FAM76A: variants seen among roughly 807,000 people sequenced by gnomAD.
The protein encoded by FAM76A is family with sequence similarity 76 member A, also known as protein FAM76A.
Under a neutral mutation model 46.2 loss-of-function variants are expected in FAM76A, and 32 were observed. The observed-to-expected ratio is 0.69, with a 90% CI of 0.52 to 0.93. The LOEUF (loss-of-function observed/expected upper bound fraction) is 0.93, where lower values mean the gene tolerates loss of function less well. FAM76A is among the 40% of genes least tolerant of loss of function. The probability of loss-of-function intolerance (pLI) is 0.00; values close to 1 mark genes in which losing one functional copy is unlikely to be tolerated. For synonymous variants in FAM76A, 137 were observed against 127.0 expected, an observed-to-expected ratio of 1.08 and a Z score of -0.53; for missense variants, 274 against 361.5, an observed-to-expected ratio of 0.76 and a Z score of 1.96.
At position 27,728,198 on chromosome 1, in the gene FAM76A, T is replaced by G. The variant is rs115007686; in HGVS notation, c.146+662T>G. On this transcript the variant is annotated intron_variant, in intron 2 of 8. Coordinates refer to ENST00000373954, the MANE Select transcript of FAM76A (RefSeq NM_152660.3). ...CAAGAAGAAACCAATCCCACAACAG[T>G]AAAACATGAGCCTCATGTTTCAATA... Among the ~76,000 whole-genome samples the G allele has an allele frequency of 9.4e-3, 1,428 of 152,214 alleles. 33 individuals carry two copies. Among genetic ancestry groups the G allele is most frequent in the African/African-American group, 0.033 (1,360 of 41,520 alleles).
chr1:27,749,941 A>G (rs2088304936), intron 6 of FAM76A, among the ~76,000 whole-genome samples: 1 of 152,136 alleles, frequency 6.6e-6, no homozygotes, highest in African/African-American at 2.4e-5. Context: ...TCCCCTCCTC[A>G]GTGGTACTTC....
intron 4 of FAM76A, among the ~76,000 whole-genome samples, chr1:27,743,337 T>G (rs1288722545): frequency 6.6e-6 from 1 of 152,178 alleles, no homozygotes. Context: ...TGTTTCTTTT[T>G]GTAGGTGGGT....
chr1:27,737,558 T>C (rs2088070150), intron 4 of FAM76A, among the ~76,000 whole-genome samples: 1 of 151,720 alleles, frequency 6.6e-6, no homozygotes, highest in Non-Finnish European at 1.5e-5. Flanking sequence ...CTATTAAAAA[T>C]ACAAAAATCT....
At chr1:27,726,340 G>A (rs887268276) in intron 1 of FAM76A, among the ~76,000 whole-genome samples, 179 bp downstream of exon 1, 2 of 152,042 alleles carry the variant, frequency 1.3e-5, no homozygotes, top group African/African-American at 4.8e-5. Context: ...CCGGGACCCG[G>A]TCCAGGCTCC....
At chr1:27,726,718 A>G (rs1326987711) in intron 1 of FAM76A, among the ~76,000 whole-genome samples, 1 of 151,948 alleles carries the variant, frequency 6.6e-6, no homozygotes, top group Non-Finnish European at 1.5e-5. Flanking sequence ...CCCCACAGTC[A>G]GGCTCACAGA....
chr1:27,737,098 C>T (rs1430856227), intron 4 of FAM76A, among the ~76,000 whole-genome samples: 3 of 152,084 alleles, frequency 2.0e-5, no homozygotes, highest in South Asian at 4.2e-4. Flanking sequence ...TACAGGCATG[C>T]GCCACCATGC....
chr1:27,746,518 C>T (rs1425853826), intron 5 of FAM76A, among the ~76,000 whole-genome samples: 2 of 151,996 alleles, frequency 1.3e-5, no homozygotes, highest in Non-Finnish European at 2.9e-5. Flanking sequence ...GTCAGGAGTT[C>T]GAGACCAGCC....
At chr1:27,757,299 T>A (rs2088426916) in intron 7 of FAM76A, among the ~76,000 whole-genome samples, 1 of 149,954 alleles carries the variant, frequency 6.7e-6, no homozygotes, top group South Asian at 2.1e-4. Context: ...TTTAAGTGAT[T>A]CTTGTGCCTC....
intron 6 of FAM76A, among the ~76,000 whole-genome samples, chr1:27,754,584 C>G (rs1557787137): frequency 6.6e-6 from 1 of 152,186 alleles, no homozygotes; most frequent in African/African-American, 2.4e-5. Context: ...TACAGAATTC[C>G]TGATATTGGA....
intron 4 of FAM76A, chr1:27,739,434 G>T (rs72872814): frequency 2.6e-5 from 13 of 492,812 alleles, no homozygotes; most frequent in African/African-American, 2.6e-4. Flanking sequence ...TTTCTCTAAG[G>T]ATTAAGATTT....
intron 4 of FAM76A, among the ~76,000 whole-genome samples, chr1:27,743,138 A>G (rs2088182849): frequency 6.6e-6 from 1 of 152,144 alleles, no homozygotes; most frequent in South Asian, 2.1e-4. Flanking sequence ...CAATGTATAC[A>G]TTTTTAAAAA....
chr1:27,727,435 G>T (rs1342437308), intron 1 of FAM76A, 37 bp from the exon 2 acceptor site: 20 of 1,583,998 alleles, frequency 1.3e-5, no homozygotes, highest in Middle Eastern at 1.7e-4. Context: ...TTCCATTTGT[G>T]ACTGCCTTTT....
At chr1:27,752,897 C>T (rs1027732237) in intron 6 of FAM76A, among the ~76,000 whole-genome samples, 1 of 152,170 alleles carries the variant, frequency 6.6e-6, no homozygotes, top group Non-Finnish European at 1.5e-5. Flanking sequence ...CGGTGGCTCA[C>T]GCCTGTAATC....
chr1:27,732,559 T>G (rs779542295), intron 2 of FAM76A, 44 bp from the exon 3 acceptor site: 1 of 1,575,498 alleles, frequency 6.3e-7, no homozygotes, highest in East Asian at 2.2e-5. Context: ...GTATCAGTTT[T>G]CAGATATTCT....
At position 27,762,728 on chromosome 1, in the gene FAM76A, A is replaced by G. The variant is rs993947617; in HGVS notation, c.*2147A>G. 1 of 152,070 alleles carries G rather than the reference A, an allele frequency of 6.6e-6. No homozygotes were observed. Among genetic ancestry groups the G allele is most frequent in the African/African-American group, 2.4e-5 (1 of 41,418 alleles). The allele number at this position is 152,070 out of a possible 1,614,324, so 9.4% of individuals were successfully genotyped here. A position where few individuals can be genotyped will look rare whatever the true frequency, so the allele number is the denominator to read the frequency against. On this transcript the variant is annotated 3_prime_UTR_variant, in exon 9 of 9. Transcript: ENST00000373954. ...TTTTTCAGATGCATTTGCATTGACTATGGGAGAAAAATTAGGGGGAAATGA... is the reference window on the plus strand; with the variant it reads ...TTTTTCAGATGCATTTGCATTGACTGTGGGAGAAAAATTAGGGGGAAATGA...
intron 4 of FAM76A, among the ~76,000 whole-genome samples, chr1:27,735,667 C>T (rs147676719): frequency 6.6e-6 from 1 of 152,108 alleles, no homozygotes; most frequent in Non-Finnish European, 1.5e-5. Context: ...AGCAGCAGTC[C>T]CCCAAACCTG....
At position 27,761,977 on chromosome 1, in the gene FAM76A, AAAAGGAAT is replaced by A. The variant is rs1267228979; in HGVS notation, c.*1399_*1406del. The A allele has an allele frequency of 6.6e-6, 1 of 152,104 alleles. No individual in the cohort carries two copies. The highest frequency in any genetic ancestry group is 2.4e-5 in the African/African-American group (1 of 41,318). 9.4% of individuals were successfully genotyped at this position (152,104 alleles called of 1,614,324 possible). A position where few individuals can be genotyped will look rare whatever the true frequency, so the allele number is the denominator to read the frequency against. On this transcript the variant is annotated 3_prime_UTR_variant, in exon 9 of 9. Coordinates refer to ENST00000373954, the MANE Select transcript of FAM76A (RefSeq NM_152660.3). Reference sequence around the variant, plus strand: ...GAGACTCCGTCTCAAAAAAAAAAAAAAAAGGAATAATATTTGAACTACAGAGCATTTTT... The same window carrying A: ...GAGACTCCGTCTCAAAAAAAAAAAAAAATATTTGAACTACAGAGCATTTTT...
chr1:27,729,581 A>G (rs1434190996), intron 2 of FAM76A, among the ~76,000 whole-genome samples: 1 of 152,134 alleles, frequency 6.6e-6, no homozygotes, highest in Non-Finnish European at 1.5e-5. Context: ...CTCTACTTAA[A>G]TTCTATCATA....
intron 4 of FAM76A, chr1:27,740,539 T>C (rs1240993754): frequency 1.5e-6 from 2 of 1,303,328 alleles, no homozygotes; most frequent in Non-Finnish European, 2.2e-6. Flanking sequence ...CTGGAAGCGT[T>C]GTTATGAGGA....
Sources: allele counts gnomAD v4.1 joint callset (sites outside exome capture counted in the v4.1 genomes callset), GRCh38; gene constraint gnomAD v4.1.1; transcripts MANE v1.5; gene names NCBI Gene and HGNC (gene_info 2026-07-23, HGNC 2026-07-21).